CNPY2: variants seen among roughly 807,000 people sequenced by gnomAD.
CNPY2 encodes the protein protein canopy homolog 2.
CNPY2 carries 19 observed loss-of-function variants against 25.5 expected under a neutral mutation model. That is an observed-to-expected ratio of 0.74 (90% confidence interval 0.52 to 1.09). The LOEUF (loss-of-function observed/expected upper bound fraction) is 1.09. Among genes scored for constraint, CNPY2 ranks in the 50% least tolerant of loss-of-function variants. The probability of loss-of-function intolerance (pLI) is 0.00; values close to 1 mark genes in which losing one functional copy is unlikely to be tolerated. For missense variants in CNPY2, 214 were observed against 233.6 expected, an observed-to-expected ratio of 0.92 and a Z score of 0.55; for synonymous variants, 82 against 85.0, an observed-to-expected ratio of 0.96 and a Z score of 0.19.
chr12:56,313,723 C>T (rs757613993), intron 3 of CNPY2, among the ~76,000 whole-genome samples: 2 of 150,932 alleles, frequency 1.3e-5, no homozygotes, highest in African/African-American at 2.4e-5. Context: ...CTTTTCGTCT[C>T]AGCCTCCTGA....
chr12:56,312,961 C>A (rs895158193), intron 3 of CNPY2: 1 of 152,282 alleles, frequency 6.6e-6, no homozygotes, highest in East Asian at 1.9e-4. Context: ...ACTTATACTT[C>A]TAATTTCTAT....
In CNPY2 at chr12:56,315,255, G is replaced by A. The variant is rs1280900644; in HGVS notation, c.-25-13C>T. The stretch of plus-strand genomic sequence containing the variant: ...GGGGTCGCTCCACCTGGGTTTGAGT[G>A]GGAATAAAACATAAGTGTGAGGAGC... On this transcript the variant is annotated splice_polypyrimidine_tract_variant and intron_variant, in intron 1 of 5. Coordinates refer to ENST00000273308, the MANE Select transcript of CNPY2 (RefSeq NM_014255.7). 1 of 1,529,248 alleles carries A rather than the reference G, an allele frequency of 6.5e-7. No homozygotes were observed. Among genetic ancestry groups the A allele is most frequent in the East Asian group, 2.2e-5 (1 of 44,474 alleles). 94.7% of individuals were successfully genotyped at this position (1,529,248 alleles called of 1,614,324 possible). A position where few individuals can be genotyped will look rare whatever the true frequency, so the allele number is the denominator to read the frequency against.
intron 3 of CNPY2, among the ~76,000 whole-genome samples, chr12:56,313,174 C>A (rs988586414): frequency 2.0e-5 from 3 of 152,124 alleles, no homozygotes; most frequent in Non-Finnish European, 2.9e-5. Flanking sequence ...ACGTTCCCCT[C>A]CCTGTGTCCA....
rs1467512279 is a variant in CNPY2 at position 56,311,021 on chromosome 12, G to A, written c.442C>T (p.Leu148Phe). The change falls in exon 5 of 6, where the codon CTC (leucine) becomes TTC (phenylalanine). Residue 148 changes from leucine (L) to phenylalanine (F), a missense_variant. Coordinates refer to ENST00000273308, the MANE Select transcript of CNPY2 (RefSeq NM_014255.7). ...GCCTCTCGGGAAAAGAATTCAATGAGTTCATCCTCGTATTCCTCCACAATG... is the reference window on the plus strand; with the variant it reads ...GCCTCTCGGGAAAAGAATTCAATGAATTCATCCTCGTATTCCTCCACAATG... ...ESIVEEYEDE[L>F]IEFFSREADN... The A allele has an allele frequency of 1.2e-6, 2 of 1,614,016 alleles. No individual in the cohort carries two copies. The highest frequency in any genetic ancestry group is 1.7e-6 in the Non-Finnish European group (2 of 1,180,046).
Position 56,311,376 on chromosome 12 carries a change from C to T in CNPY2, c.243G>A (p.Leu81=). ...YARSEAHLTE[L]LEEICDRMKE... ...TCATCCGGTCACATATCTCCTCCAG[C>T]AGCTCTGTGAGGTGGGCCTCTGAGC... Residue 81 remains leucine (L), a synonymous_variant, in exon 4 of 6, where the codon CTG becomes CTA. Coordinates refer to ENST00000273308, the MANE Select transcript of CNPY2 (RefSeq NM_014255.7). 6.2e-7 allele frequency: 1 copy of T among 1,614,200 alleles called. No homozygotes were observed. The highest frequency in any genetic ancestry group is 8.5e-7 in the Non-Finnish European group (1 of 1,180,032).
intron 3 of CNPY2, among the ~76,000 whole-genome samples, chr12:56,313,441 G>A (rs548749392): frequency 1.3e-5 from 2 of 152,070 alleles, no homozygotes; most frequent in African/African-American, 2.4e-5. Context: ...GGTGAGCCGA[G>A]ATCGTGTCAT....
rs56822059 is a variant in CNPY2, at chr12:56,312,222, C to CT, written c.205-809dup. On this transcript the variant is annotated intron_variant, in intron 3 of 5. Transcript: ENST00000273308. ...TTTACTTGATAGTTTCAAAGTACTT[C>CT]TTTTTTTTTTTTTTTTTTTTTTTTT... 3.4e-4 allele frequency among the ~76,000 whole-genome samples: 46 copies of CT among 135,918 alleles called. 5 individuals carry two copies. The highest frequency in any genetic ancestry group is 1.3e-3 in the African/African-American group (42 of 32,758). The allele number at this position is 135,918 out of a possible 152,430, so 89.2% of individuals were successfully genotyped here. A position where few individuals can be genotyped will look rare whatever the true frequency, so the allele number is the denominator to read the frequency against.
Position 56,315,853 on chromosome 12 carries a change from C to G in CNPY2, c.-58G>C, listed in dbSNP as rs1323333302. ...CCCAGGGCCGCCGCCGTGGCCCAAG[C>G]GCTGGAAGACCGCTGGACTCTCACT... On this transcript the variant is annotated 5_prime_UTR_variant, in exon 1 of 6. Transcript: ENST00000273308. 3 of 155,092 alleles carry G rather than the reference C, an allele frequency of 1.9e-5. No homozygotes were observed. The highest frequency in any genetic ancestry group is 7.2e-5 in the African/African-American group (3 of 41,480). 9.6% of individuals were successfully genotyped at this position (155,092 alleles called of 1,614,324 possible).
At position 56,311,414 on chromosome 12, in the gene CNPY2, C is replaced by G; in HGVS notation, c.205G>C (p.Val69Leu). The G allele has an allele frequency of 2.5e-6, 4 of 1,614,144 alleles. No homozygotes were observed. Among genetic ancestry groups the G allele is most frequent in the Non-Finnish European group, 3.4e-6 (4 of 1,180,012 alleles). ...NPDGSQSVVEVPYARSEAHLT... is the reference protein window; with the variant it reads ...NPDGSQSVVELPYARSEAHLT... ...TGGGCCTCTGAGCGGGCATAAGGCA[C>G]CTAGAAATGTCCTCAGCCTTGGGTC... is the stretch of plus-strand genomic sequence containing the variant. The change falls in exon 4 of 6, where the codon GTG becomes CTG. Residue 69 changes from valine to leucine, a missense_variant and splice_region_variant. Transcript: ENST00000273308.
At position 56,311,195 on chromosome 12, in the gene CNPY2, G is replaced by A. The variant is rs770654011; in HGVS notation, c.408+16C>T. ...CCTTAATGTCCAAGAACCAGCTACC[G>A]ATTCCCATAGCTCACCGCAAACTTG... On this transcript the variant is annotated intron_variant, in intron 4 of 5. Transcript: ENST00000273308. 4 of 1,613,180 alleles carry A rather than the reference G, an allele frequency of 2.5e-6. No individual in the cohort carries two copies. Among genetic ancestry groups the A allele is most frequent in the Non-Finnish European group, 3.4e-6 (4 of 1,179,302 alleles).
intron 3 of CNPY2, chr12:56,311,671 C>T (rs1178898974): frequency 4.6e-6 from 2 of 437,190 alleles, no homozygotes; most frequent in Non-Finnish European, 8.6e-6. Flanking sequence ...CCTGCCTCAG[C>T]CTCCTGAGTA....
chr12:56,311,176 T>G, intron 4 of CNPY2, 35 bp downstream of exon 4: 1 of 1,611,732 alleles, frequency 6.2e-7, no homozygotes, highest in African/African-American at 1.3e-5. Context: ...AACCCCTTAA[T>G]GTCCAAGAAC....
At chr12:56,311,576 G>C in intron 3 of CNPY2, 162 bp from the exon 4 acceptor site, 2 of 798,062 alleles carry the variant, frequency 2.5e-6, no homozygotes, top group Admixed American at 4.1e-5. Context: ...TTTGAGATGG[G>C]GTTTTGCTCT....
chr12:56,315,380 A>G (rs1042665341), intron 1 of CNPY2, 138 bp from the exon 2 acceptor site: 1 of 618,470 alleles, frequency 1.6e-6, no homozygotes, highest in African/African-American at 1.8e-5. Flanking sequence ...CCGGGACACA[A>G]AGGGGCTTCT....
intron 2 of CNPY2, 64 bp downstream of exon 2, chr12:56,315,066 C>A: frequency 6.3e-7 from 1 of 1,598,800 alleles, no homozygotes; most frequent in Non-Finnish European, 8.6e-7. Flanking sequence ...TTCTCCCAGG[C>A]CTTGGATCTC....
At chr12:56,313,905 CTT>C (rs35063385) in intron 3 of CNPY2, among the ~76,000 whole-genome samples, 4 of 141,598 alleles carry the variant, frequency 2.8e-5, no homozygotes, top group Non-Finnish European at 3.1e-5. Flanking sequence ...CGCGCCCGGC[CTT>C]TTTTTTTTTT....
chr12:56,312,220 TTC>T (rs1873740552), intron 3 of CNPY2, among the ~76,000 whole-genome samples: 5 of 52,240 alleles, frequency 9.6e-5, no homozygotes, highest in African/African-American at 2.2e-4. Flanking sequence ...TTCAAAGTAC[TTC>T]TTTTTTTTTT....
At chr12:56,314,695 G>T in intron 3 of CNPY2, 156 bp downstream of exon 3, 1 of 1,484,302 alleles carries the variant, frequency 6.7e-7, no homozygotes, top group African/African-American at 1.4e-5. Context: ...AAGTGCATGG[G>T]GAATAAGCCT....
At chr12:56,316,065 G>T (rs1249718460), upstream of CNPY2, 1 of 152,504 alleles carries the variant, frequency 6.6e-6, no homozygotes, top group African/African-American at 2.4e-5. Flanking sequence ...ATCAGACACC[G>T]ACCCCAAACC....
Sources: gnomAD v4.1 joint callset for allele counts (sites outside exome capture counted in the v4.1 genomes callset) on GRCh38, gnomAD v4.1.1 for gene constraint, MANE v1.5 for transcripts, NCBI Gene and HGNC (gene_info 2026-07-23, HGNC 2026-07-21) for gene names.